CNBP: variants seen among roughly 807,000 people sequenced by gnomAD.
The protein encoded by CNBP is cellular nucleic acid-binding protein.
In CNBP, 6 loss-of-function variants were observed where a neutral mutation model predicts 21.2. The observed-to-expected ratio is 0.28, with a 90% CI of 0.16 to 0.56. The LOEUF (loss-of-function observed/expected upper bound fraction) is 0.56. CNBP is among the 20% of genes least tolerant of loss of function. The pLI is 0.93. For missense variants in CNBP, 112 were observed against 233.1 expected, an observed-to-expected ratio of 0.48 and a Z score of 3.38; for synonymous variants, 61 against 74.9, an observed-to-expected ratio of 0.81 and a Z score of 0.96.
intron 1 of CNBP, among the ~76,000 whole-genome samples, chr3:129,182,918 C>A (rs980044950): frequency 4.0e-5 from 6 of 149,562 alleles, no homozygotes; most frequent in Non-Finnish European, 7.4e-5. Flanking sequence ...AACACAAAGG[C>A]TTCTTCAGGA....
chr3:129,181,305 T>C lies in CNBP; in HGVS notation c.-15+2471A>G, dbSNP rs556468723. On this transcript the variant is annotated intron_variant, in intron 1 of 4. Transcript: ENST00000422453. The stretch of plus-strand genomic sequence containing the variant: ...GTCATAAATCATGTAACAAAACACA[T>C]TTATACTTTAAAAAAGACATCTCCC... Among the ~76,000 whole-genome samples, 4 of 137,396 alleles carry C rather than the reference T, an allele frequency of 2.9e-5. No individual in the cohort carries two copies. In the East Asian group the frequency reaches 8.8e-4, roughly 30 times the overall value. The allele number at this position is 137,396 out of a possible 152,430, so 90.1% of individuals were successfully genotyped here.
chr3:129,172,530 C>T (rs1937594201), intron 1 of CNBP, among the ~76,000 whole-genome samples: 2 of 151,658 alleles, frequency 1.3e-5, no homozygotes, highest in African/African-American at 4.9e-5. Flanking sequence ...TGCAGTGAGC[C>T]GAGATCATAC....
chr3:129,170,256 CAAACT>C lies in CNBP; in HGVS notation c.*192_*196del. 2 of 586,574 alleles carry C rather than the reference CAAACT, an allele frequency of 3.4e-6. No individual in the cohort carries two copies. Among genetic ancestry groups the C allele is most frequent in the Non-Finnish European group, 6.1e-6 (2 of 328,044 alleles). The allele number at this position is 586,574 out of a possible 1,614,324, so 36.3% of individuals were successfully genotyped here. Reference sequence around the variant, plus strand: ...AAAGCATTATACATAACACCTCTACCAAACTAAACATAAACTTTTTTTGTAGTTAA... The same window carrying C: ...AAAGCATTATACATAACACCTCTACCAAACATAAACTTTTTTTGTAGTTAA... On this transcript the variant is annotated 3_prime_UTR_variant, in exon 5 of 5. Coordinates refer to ENST00000422453, the MANE Select transcript of CNBP (RefSeq NM_003418.5).
intron 1 of CNBP, among the ~76,000 whole-genome samples, chr3:129,176,013 T>G (rs1937881210): frequency 6.6e-6 from 1 of 152,190 alleles, no homozygotes; most frequent in East Asian, 1.9e-4. Flanking sequence ...ATTATTAAAC[T>G]AACCACTTTC....
intron 1 of CNBP, among the ~76,000 whole-genome samples, chr3:129,175,894 T>C (rs1576918596): frequency 6.6e-6 from 1 of 152,336 alleles, no homozygotes; most frequent in African/African-American, 2.4e-5. Context: ...AGGTACTATG[T>C]ATGCAATCTG....
At chr3:129,174,348 T>TCAAAAAAAAAAA (rs1222085418) in intron 1 of CNBP, among the ~76,000 whole-genome samples, 1 of 24,444 alleles carries the variant, frequency 4.1e-5, no homozygotes, top group African/African-American at 2.4e-4. Context: ...AGAGTCAGAA[T>TCAAAAAAAAAAA]TAAAAAAAAA....
rs1937530392 is a variant in CNBP, at chr3:129,169,412, C to T, written c.*1041G>A. On this transcript the variant is annotated 3_prime_UTR_variant, in exon 5 of 5. Transcript: ENST00000422453. ...TTTGCAAAAGTATCTAAATCCCATA[C>T]ATCCTTTTAACAGCAATTTTCATTA... 1 of 193,860 alleles carries T rather than the reference C, an allele frequency of 5.2e-6. No individual in the cohort carries two copies. The highest frequency in any genetic ancestry group is 8.2e-5 in the East Asian group (1 of 12,180). The allele number at this position is 193,860 out of a possible 1,614,324, so 12.0% of individuals were successfully genotyped here. A position where few individuals can be genotyped will look rare whatever the true frequency, so the allele number is the denominator to read the frequency against.
intron 1 of CNBP, among the ~76,000 whole-genome samples, chr3:129,180,965 C>A (rs1423019618): frequency 1.3e-5 from 2 of 151,898 alleles, no homozygotes; most frequent in South Asian, 4.2e-4. Context: ...GTTGGCAAGG[C>A]ACGGTGGCTC....
At chr3:129,174,573 G>T (rs1258050360) in intron 1 of CNBP, among the ~76,000 whole-genome samples, 2 of 150,260 alleles carry the variant, frequency 1.3e-5, no homozygotes, top group Non-Finnish European at 3.0e-5. Context: ...GCGGAGGCAG[G>T]ATAATCTCTT....
chr3:129,175,565 G>C (rs1937848429), intron 1 of CNBP, among the ~76,000 whole-genome samples: 1 of 151,630 alleles, frequency 6.6e-6, no homozygotes, highest in South Asian at 2.1e-4. Context: ...ACATAGCTGG[G>C]ACTACAGGCG....
At position 129,178,221 on chromosome 3, in the gene CNBP, T is replaced by C. The variant is rs540791019; in HGVS notation, c.-15+5555A>G. On this transcript the variant is annotated intron_variant, in intron 1 of 4. Transcript: ENST00000422453. ...TTAAGATTTACTGTGAGGAGCCATG[T>C]ATGCTAAACTAAGAGGTGTAACTAT... 2.0e-5 allele frequency among the ~76,000 whole-genome samples: 3 copies of C among 151,716 alleles called. No homozygotes were observed. In the South Asian group the frequency reaches 6.2e-4, roughly 32 times the overall value.
chr3:129,179,474 G>A (rs539557830), intron 1 of CNBP, among the ~76,000 whole-genome samples: 2 of 152,246 alleles, frequency 1.3e-5, no homozygotes, highest in East Asian at 3.9e-4. Flanking sequence ...TTCTTGAAGA[G>A]TTTTAACAGC....
intron 1 of CNBP, among the ~76,000 whole-genome samples, chr3:129,172,149 C>G (rs754958755): frequency 6.6e-6 from 1 of 151,776 alleles, no homozygotes; most frequent in Non-Finnish European, 1.5e-5. Context: ...CCAGCCTGGG[C>G]AACATTGAGA....
In CNBP at chr3:129,168,629, A is replaced by G. The variant is rs1480743445; in HGVS notation, c.*1824T>C. Among the ~76,000 whole-genome samples, 23 of 127,744 alleles carry G rather than the reference A, an allele frequency of 1.8e-4. No individual in the cohort carries two copies. The highest frequency in any genetic ancestry group is 6.6e-4 in the African/African-American group (23 of 35,094). The allele number at this position is 127,744 out of a possible 152,430, so 83.8% of individuals were successfully genotyped here. Reference sequence around the variant, plus strand: ...TCAAAAAAAAAAAAAAAAAAAAAAAAGGCCCAGGAAAAACACAAAAATAGC... The same window carrying G: ...TCAAAAAAAAAAAAAAAAAAAAAAAGGGCCCAGGAAAAACACAAAAATAGC... On this transcript the variant is annotated 3_prime_UTR_variant, in exon 5 of 5. Coordinates refer to ENST00000422453, the MANE Select transcript of CNBP (RefSeq NM_003418.5).
At chr3:129,174,300 C>T (rs774828534) in intron 1 of CNBP, among the ~76,000 whole-genome samples, 2 of 133,184 alleles carry the variant, frequency 1.5e-5, no homozygotes, top group Non-Finnish European at 3.1e-5. Flanking sequence ...TATTAGCATC[C>T]TAAATTATGT....
At chr3:129,182,978 GTC>G (rs1200928503) in intron 1 of CNBP, among the ~76,000 whole-genome samples, 1 of 151,730 alleles carries the variant, frequency 6.6e-6, no homozygotes, top group African/African-American at 2.4e-5. Flanking sequence ...TTAAGACGGA[GTC>G]TCTCTCTGTT....
chr3:129,177,364 C>T (rs1221922907), intron 1 of CNBP, among the ~76,000 whole-genome samples: 1 of 152,166 alleles, frequency 6.6e-6, no homozygotes, highest in Non-Finnish European at 1.5e-5. Flanking sequence ...CTGGGTTAAT[C>T]ACTTAACCCA....
rs923569332 is a variant in CNBP at position 129,169,132 on chromosome 3, A to C, written c.*1321T>G. 6.6e-6 allele frequency among the ~76,000 whole-genome samples: 1 copy of C among 151,712 alleles called. No homozygotes were observed. The highest frequency in any genetic ancestry group is 2.1e-4 in the South Asian group (1 of 4,800). On this transcript the variant is annotated 3_prime_UTR_variant, in exon 5 of 5. Transcript: ENST00000422453. ...AAAATAAAAAAATAAAATAAAAATA[A>C]AAATACAAAAAATTAGCGGGGGGTG... is the stretch of plus-strand genomic sequence containing the variant.
chr3:129,177,157 TTTC>T (rs1937957181), intron 1 of CNBP, among the ~76,000 whole-genome samples: 2 of 152,202 alleles, frequency 1.3e-5, no homozygotes, highest in Admixed American at 1.3e-4. Flanking sequence ...AAATACTGTT[TTTC>T]ACTTTTGTCA....
Sources: allele counts gnomAD v4.1 joint callset (sites outside exome capture counted in the v4.1 genomes callset), GRCh38; gene constraint gnomAD v4.1.1; transcripts MANE v1.5; gene names NCBI Gene and HGNC (gene_info 2026-07-23, HGNC 2026-07-21).